DMXL1: variants seen among roughly 807,000 people sequenced by gnomAD.
DMXL1 encodes the protein Dmx like 1.
DMXL1 carries 99 observed loss-of-function variants against 319.2 expected under a neutral mutation model. That is an observed-to-expected ratio of 0.31 (90% confidence interval 0.26 to 0.37). DMXL1 has a LOEUF of 0.37. Ranked by LOEUF, DMXL1 falls within the 10% of genes least tolerant of loss-of-function variation. The pLI is 1.00. For synonymous variants in DMXL1, 1,385 were observed against 1,235.2 expected (o/e 1.12, Z -2.54); for missense variants, 3,745 against 3,595.6 (o/e 1.04, Z -1.06).
At chr5:119,105,332 T>A in intron 4 of DMXL1, 74 bp downstream of exon 4, 1 of 1,197,610 alleles carries the variant, frequency 8.3e-7, no homozygotes, top group Non-Finnish European at 1.2e-6. Flanking sequence ...TACTCTTATG[T>A]ATTTCACTTC....
At chr5:119,076,002 T>G (rs1366017919) in intron 1 of DMXL1, among the ~76,000 whole-genome samples, 2 of 152,222 alleles carry the variant, frequency 1.3e-5, no homozygotes, top group African/African-American at 2.4e-5. Context: ...TTTTTTCTTT[T>G]TCTTTTGTGG....
At chr5:119,216,443 A>C (rs543733088) in intron 34 of DMXL1, among the ~76,000 whole-genome samples, 1 of 152,270 alleles carries the variant, frequency 6.6e-6, no homozygotes, top group South Asian at 2.1e-4. Flanking sequence ...TATATAGTCC[A>C]TGAGCTGAGA....
At position 119,240,559 on chromosome 5, in the gene DMXL1, A is replaced by G. The variant is rs116000461; in HGVS notation, c.8704+88A>G. Reference sequence around the variant, plus strand: ...TATAAGTGGATTTGTTACTGATGACACATATATTTATTAACCCATGAGATT... The same window carrying G: ...TATAAGTGGATTTGTTACTGATGACGCATATATTTATTAACCCATGAGATT... On this transcript the variant is annotated intron_variant, in intron 42 of 43. Transcript: ENST00000539542. The G allele has an allele frequency of 1.3e-3, 1,298 of 966,678 alleles. 6 individuals carry two copies. In the African/African-American group the frequency reaches 0.019, roughly 14 times the overall value. 59.9% of individuals were successfully genotyped at this position (966,678 alleles called of 1,614,324 possible).
Position 119,133,773 on chromosome 5 carries a change from G to A in DMXL1, c.1849G>A (p.Glu617Lys), listed in dbSNP as rs146704342. The A allele has an allele frequency of 1.6e-3, 2,539 of 1,614,126 alleles. 3 individuals are homozygous for A. The highest frequency in any genetic ancestry group is 2.0e-3 in the Non-Finnish European group (2,381 of 1,180,032). ...SLNQWLVSFA[E>K]ESAFSTVLSI... is the part of the protein sequence containing the mutation. ...GAATCAGTGGCTGGTCAGTTTTGCC[G>A]AGGAATCTGCTTTTTCTACTGTTCT... Residue 617 changes from glutamate (E) to lysine (K), a missense_variant, in exon 12 of 44, where the codon GAG (glutamate) becomes AAG (lysine). By Grantham distance (56) the Glu-to-Lys change is moderately conservative. Around this residue, in one of 4 missense-constraint regions of DMXL1, gnomAD observed 2,096 missense variants for 1,985.4 expected, o/e 1.06. Transcript: ENST00000539542.
chr5:119,162,891 A>G (rs1772577481), intron 19 of DMXL1, among the ~76,000 whole-genome samples: 2 of 152,166 alleles, frequency 1.3e-5, no homozygotes, highest in Admixed American at 1.3e-4. Context: ...TATAGAAAGC[A>G]TTTCACATTG....
intron 1 of DMXL1, among the ~76,000 whole-genome samples, chr5:119,074,668 T>C (rs1281672263): frequency 6.6e-6 from 1 of 152,258 alleles, no homozygotes; most frequent in African/African-American, 2.4e-5. Flanking sequence ...TTGACTTTGC[T>C]CTTAGTAAGA....
At chr5:119,172,358 G>A (rs958598317) in intron 25 of DMXL1, among the ~76,000 whole-genome samples, 1 of 152,136 alleles carries the variant, frequency 6.6e-6, no homozygotes, top group African/African-American at 2.4e-5. Flanking sequence ...TAATACTAAA[G>A]AAATCCACAT....
chr5:119,218,380 A>C (rs1455522319), intron 35 of DMXL1, among the ~76,000 whole-genome samples: 3 of 152,080 alleles, frequency 2.0e-5, no homozygotes, highest in African/African-American at 7.2e-5. Flanking sequence ...GTTACTGTCT[A>C]TGAATATGCC....
chr5:119,155,855 G>A (rs1175415704), intron 19 of DMXL1, among the ~76,000 whole-genome samples: 1 of 149,416 alleles, frequency 6.7e-6, no homozygotes, highest in African/African-American at 2.5e-5. Flanking sequence ...CAAAACTTCA[G>A]CAGATGAGGA....
intron 34 of DMXL1, among the ~76,000 whole-genome samples, chr5:119,215,643 T>C (rs1271035735): frequency 1.3e-5 from 2 of 152,144 alleles, no homozygotes; most frequent in African/African-American, 4.8e-5. Flanking sequence ...TAGTTGCTAT[T>C]TTTAAAACAC....
chr5:119,129,776 A>G (rs1247898584), intron 10 of DMXL1, among the ~76,000 whole-genome samples: 2 of 152,236 alleles, frequency 1.3e-5, no homozygotes, highest in Non-Finnish European at 2.9e-5. Context: ...AATTTAATGA[A>G]ATTTCCAGGT....
intron 1 of DMXL1, 47 bp downstream of exon 1, chr5:119,071,703 G>T (rs371136759): frequency 4.0e-6 from 6 of 1,517,870 alleles, no homozygotes; most frequent in East Asian, 5.0e-5. Context: ...GCCTTTGCCC[G>T]TCATTCTGGG....
chr5:119,199,181 C>T (rs1410298644), intron 32 of DMXL1, among the ~76,000 whole-genome samples: 1 of 152,192 alleles, frequency 6.6e-6, no homozygotes, highest in African/African-American at 2.4e-5. Context: ...AGCCACCATG[C>T]CTGGCCCCCA....
chr5:119,137,954 C>A (rs1766405728), intron 13 of DMXL1, among the ~76,000 whole-genome samples: 1 of 152,102 alleles, frequency 6.6e-6, no homozygotes, highest in African/African-American at 2.4e-5. Flanking sequence ...TCATATGAAG[C>A]CTGATAGGCC....
chr5:119,138,534 A>G (rs910554250), intron 13 of DMXL1, among the ~76,000 whole-genome samples: 4 of 152,224 alleles, frequency 2.6e-5, no homozygotes, highest in Non-Finnish European at 4.4e-5. Flanking sequence ...GGGTGAGACT[A>G]TAGTTAGAAA....
rs1787116364 is a variant in DMXL1, at chr5:119,233,253, C to T, written c.8339-87C>T. The stretch of plus-strand genomic sequence containing the variant: ...TATAAGTTGATTTAGATGTTTCTTT[C>T]ATAAAGATTTTCACATAGGATAAAG... On this transcript the variant is annotated intron_variant, in intron 38 of 43. Coordinates refer to ENST00000539542, the MANE Select transcript of DMXL1 (RefSeq NM_001290321.3). 21 of 1,355,286 alleles carry T rather than the reference C, an allele frequency of 1.5e-5. No homozygotes were observed. The South Asian group carries it at 2.9e-4, about 18-fold the overall frequency. The allele number at this position is 1,355,286 out of a possible 1,614,324, so 84.0% of individuals were successfully genotyped here. A position where few individuals can be genotyped will look rare whatever the true frequency, so the allele number is the denominator to read the frequency against.
intron 1 of DMXL1, among the ~76,000 whole-genome samples, chr5:119,095,499 G>A (rs1755734565): frequency 6.6e-6 from 1 of 152,164 alleles, no homozygotes; most frequent in African/African-American, 2.4e-5. Flanking sequence ...CAAAATACTT[G>A]CAACGTAATA....
chr5:119,175,778 A>T (rs1775677569), intron 26 of DMXL1, among the ~76,000 whole-genome samples: 2 of 152,056 alleles, frequency 1.3e-5, no homozygotes, highest in Non-Finnish European at 2.9e-5. Flanking sequence ...ATTGAGAAAA[A>T]TTTTACCAAA....
chr5:119,158,081 G>A (rs2150186675), intron 19 of DMXL1, among the ~76,000 whole-genome samples: 1 of 151,986 alleles, frequency 6.6e-6, no homozygotes, highest in African/African-American at 2.4e-5. Flanking sequence ...TTAATGAGAT[G>A]GGGTCTTGCT....
Sources: allele counts gnomAD v4.1 joint callset (sites outside exome capture counted in the v4.1 genomes callset), GRCh38; gene constraint gnomAD v4.1.1; regional missense constraint gnomAD v4.1.1; transcripts MANE v1.5; gene names NCBI Gene and HGNC (gene_info 2026-07-23, HGNC 2026-07-21).